CAMK2B: variants seen among roughly 807,000 people sequenced by gnomAD.
The protein encoded by CAMK2B is calcium/calmodulin-dependent protein kinase type II subunit beta.
A neutral mutation model predicts 93.7 loss-of-function variants in CAMK2B; 27 were observed. The ratio of observed to expected loss-of-function variants is 0.29; its 90% CI spans 0.21 to 0.40. CAMK2B has a LOEUF of 0.40. Among genes scored for constraint, CAMK2B ranks in the 10% least tolerant of loss-of-function variants. CAMK2B has a pLI of 1.00. For synonymous variants in CAMK2B, 374 were observed against 358.8 expected, an observed-to-expected ratio of 1.04 and a Z score of -0.48; for missense variants, 568 against 895.8, an observed-to-expected ratio of 0.63 and a Z score of 4.67.
intron 9 of CAMK2B, 93 bp from the exon 10 acceptor site, chr7:44,242,433 C>T (rs1230044097): frequency 2.3e-5 from 36 of 1,558,214 alleles, no homozygotes; most frequent in Non-Finnish European, 3.1e-5. Context: ...AGCCACGAAT[C>T]TGGGAGAGCA....
intron 21 of CAMK2B, 26 bp downstream of exon 21, chr7:44,220,800 G>GCCC: frequency 6.6e-7 from 1 of 1,513,462 alleles, no homozygotes. Flanking sequence ...GTCCTGCACA[G>GCCC]CCCCCCCCCA....
chr7:44,243,640 GCA>G (rs2096703396), intron 6 of CAMK2B, 113 bp from the exon 7 acceptor site: 1 of 782,542 alleles, frequency 1.3e-6, no homozygotes, highest in Non-Finnish European at 2.1e-6. Context: ...AGAGACAGGT[GCA>G]CAGGTCTGAG....
chr7:44,229,064 C>T, intron 18 of CAMK2B, 140 bp from the exon 19 acceptor site: 1 of 827,474 alleles, frequency 1.2e-6, no homozygotes, highest in South Asian at 1.4e-5. Context: ...GAGCCTGCCT[C>T]AATAGCAGGG....
At chr7:44,276,947 C>T (rs1427609298) in intron 2 of CAMK2B, among the ~76,000 whole-genome samples, 1 of 152,214 alleles carries the variant, frequency 6.6e-6, no homozygotes, top group Non-Finnish European at 1.5e-5. Context: ...CATGAGACAG[C>T]GTCGATGATG....
chr7:44,223,318 C>T (rs905654043), intron 20 of CAMK2B, among the ~76,000 whole-genome samples: 2 of 152,216 alleles, frequency 1.3e-5, no homozygotes, highest in Non-Finnish European at 2.9e-5. Flanking sequence ...TTCATCTAGA[C>T]CATGTCATGG....
chr7:44,314,308 C>T (rs1050991011), intron 1 of CAMK2B, among the ~76,000 whole-genome samples: 7 of 152,216 alleles, frequency 4.6e-5, no homozygotes, highest in Admixed American at 6.5e-5. Flanking sequence ...CATCCATTCT[C>T]GCTCCAGTTT....
intron 22 of CAMK2B, 66 bp downstream of exon 22, chr7:44,220,549 TG>T: frequency 7.3e-7 from 1 of 1,379,142 alleles, no homozygotes; most frequent in Non-Finnish European, 1.0e-6. Context: ...ATGCTGTCCC[TG>T]GGAGGGGCCG....
Position 44,286,354 on chromosome 7 carries a change from G to T in CAMK2B, c.66-2129C>A, listed in dbSNP as rs998464865. Among the ~76,000 whole-genome samples, 1 of 152,066 alleles carries T rather than the reference G, an allele frequency of 6.6e-6. No homozygotes were observed. The highest frequency in any genetic ancestry group is 1.5e-5 in the Non-Finnish European group (1 of 67,994). Reference sequence around the variant, plus strand: ...GAGCAGGGAGTCTGGGCCTCCGTGCGCCAGAACGCAACCACACACTGCAGG... The same window carrying T: ...GAGCAGGGAGTCTGGGCCTCCGTGCTCCAGAACGCAACCACACACTGCAGG... On this transcript the variant is annotated intron_variant, in intron 1 of 23. Coordinates refer to ENST00000395749, the MANE Select transcript of CAMK2B (RefSeq NM_001220.5). The surrounding 1 kb of genome is among the most constrained non-coding windows in gnomAD (Gnocchi z 4.0).
rs1453816773 is a variant in CAMK2B at position 44,248,864 on chromosome 7, T to A, written c.342-1672A>T. On this transcript the variant is annotated intron_variant, in intron 5 of 23. Transcript: ENST00000395749. This position sits in a 1 kb window ranked among gnomAD's most constrained non-coding sequence, Gnocchi z 4.1. ...GGGTCAGAAGAAGCCAGGCCCAAAC[T>A]CATGGGAGACAGCCCCTTGGTGGTG... 6.6e-6 allele frequency among the ~76,000 whole-genome samples: 1 copy of A among 152,028 alleles called. No individual in the cohort carries two copies. Among genetic ancestry groups the A allele is most frequent in the African/African-American group, 2.4e-5 (1 of 41,384 alleles).
At position 44,229,502 on chromosome 7, in the gene CAMK2B, CT is replaced by C; in HGVS notation, c.1226-2del. The C allele has an allele frequency of 7.1e-7, 1 of 1,416,416 alleles. No individual in the cohort carries two copies. Among genetic ancestry groups the C allele is most frequent in the Non-Finnish European group, 9.3e-7 (1 of 1,080,396 alleles). The allele number at this position is 1,416,416 out of a possible 1,614,324, so 87.7% of individuals were successfully genotyped here. On this transcript the variant is annotated splice_acceptor_variant, in intron 17 of 23. Coordinates refer to ENST00000395749, the MANE Select transcript of CAMK2B (RefSeq NM_001220.5). LOFTEE classifies it high-confidence loss of function. ...CTCAGGATGTCGGGGACCCTGGGGG[CT>C]GAGGCGGAACAGGTGAGGCAGGCAG...
intron 1 of CAMK2B, among the ~76,000 whole-genome samples, chr7:44,310,234 T>C (rs1640184930): frequency 6.6e-6 from 1 of 152,260 alleles, no homozygotes; most frequent in Admixed American, 6.5e-5. Flanking sequence ...TGCAAAAGGA[T>C]TTTGGAAGCT....
intron 2 of CAMK2B, among the ~76,000 whole-genome samples, chr7:44,270,803 A>G (rs569486433): frequency 1.3e-5 from 2 of 152,372 alleles, no homozygotes; most frequent in Non-Finnish European, 2.9e-5. Context: ...TGGTGGGGTC[A>G]GCAGCCCCTC....
rs145697584 is a variant in CAMK2B at position 44,260,724 on chromosome 7, A to T, written c.221-1798T>A. Reference sequence around the variant, plus strand: ...GTGTGAAGAATCCCAGGTGACCAACACTCAGCACCAGGGTCTGGGGCCCAC... The same window carrying T: ...GTGTGAAGAATCCCAGGTGACCAACTCTCAGCACCAGGGTCTGGGGCCCAC... On this transcript the variant is annotated intron_variant, in intron 3 of 23. Coordinates refer to ENST00000395749, the MANE Select transcript of CAMK2B (RefSeq NM_001220.5). Among the ~76,000 whole-genome samples, 591 of 151,930 alleles carry T rather than the reference A, an allele frequency of 3.9e-3. 3 individuals carry two copies. Among genetic ancestry groups the T allele is most frequent in the African/African-American group, 0.014 (563 of 41,434 alleles).
intron 1 of CAMK2B, among the ~76,000 whole-genome samples, chr7:44,308,720 G>A (rs1004114720): frequency 8.5e-5 from 13 of 152,176 alleles, no homozygotes; most frequent in Admixed American, 5.9e-4. Context: ...GCAAGGCCCC[G>A]TCCTACTCAG....
At chr7:44,242,724 A>G in intron 8 of CAMK2B, 70 bp from the exon 9 acceptor site, 2 of 1,068,824 alleles carry the variant, frequency 1.9e-6, no homozygotes, top group Non-Finnish European at 2.8e-6. Context: ...CATGCCCTGC[A>G]CCCTCACTGC....
At chr7:44,246,125 G>A (rs1282170814) in intron 6 of CAMK2B, among the ~76,000 whole-genome samples, 1 of 152,104 alleles carries the variant, frequency 6.6e-6, no homozygotes, top group Admixed American at 6.6e-5. Context: ...AGAGACTTGA[G>A]GAAAGGGCTG....
intron 2 of CAMK2B, 37 bp downstream of exon 2, chr7:44,284,094 C>G: frequency 6.6e-7 from 1 of 1,504,560 alleles, no homozygotes; most frequent in Non-Finnish European, 9.2e-7. Context: ...CTGCCCCAGC[C>G]TGACAGCAGC....
At chr7:44,277,773 G>A (rs2097061651) in intron 2 of CAMK2B, among the ~76,000 whole-genome samples, 1 of 150,724 alleles carries the variant, frequency 6.6e-6, no homozygotes, top group African/African-American at 2.4e-5. Context: ...CAGGGGGGAA[G>A]GCCATTGCTC....
chr7:44,259,042 G>T, intron 3 of CAMK2B, 116 bp from the exon 4 acceptor site: 1 of 956,312 alleles, frequency 1.0e-6, no homozygotes, highest in Non-Finnish European at 1.6e-6. Flanking sequence ...CTGCCCAGAG[G>T]ATCGGGCTGG....
Sources: allele counts gnomAD v4.1 joint callset (sites outside exome capture counted in the v4.1 genomes callset), GRCh38; gene constraint gnomAD v4.1.1; non-coding constraint Gnocchi (gnomAD v3.1); transcripts MANE v1.5; gene names NCBI Gene and HGNC (gene_info 2026-07-23, HGNC 2026-07-21).